The following THRB variants were observed in gnomAD, a reference collection of about 807,000 sequenced individuals.
The protein encoded by THRB is nuclear receptor subfamily 1 group A member 2.
In THRB, 12 loss-of-function variants were observed where a neutral mutation model predicts 47.8. The observed-to-expected ratio is 0.25, with a 90% CI of 0.16 to 0.41. THRB has a LOEUF of 0.41. THRB is among the 10% of genes least tolerant of loss of function. The pLI is 1.00. For synonymous variants in THRB, 218 were observed against 212.2 expected, an observed-to-expected ratio of 1.03 and a Z score of -0.24; for missense variants, 348 against 589.2, an observed-to-expected ratio of 0.59 and a Z score of 4.24.
intron 1 of THRB, among the ~76,000 whole-genome samples, chr3:24,349,502 A>C (rs1448539275): frequency 6.6e-6 from 1 of 152,170 alleles, no homozygotes; most frequent in Non-Finnish European, 1.5e-5. Flanking sequence ...CACAGGATAG[A>C]CAAATAGATC....
intron 3 of THRB, among the ~76,000 whole-genome samples, chr3:24,232,247 G>A (rs996789253): frequency 2.0e-5 from 3 of 152,184 alleles, no homozygotes; most frequent in Admixed American, 1.3e-4. Flanking sequence ...TTTGGTTATC[G>A]CGAGGCCTTG....
At chr3:24,247,684 G>A (rs2050238516) in intron 3 of THRB, among the ~76,000 whole-genome samples, 1 of 152,144 alleles carries the variant, frequency 6.6e-6, no homozygotes, top group South Asian at 2.1e-4. Flanking sequence ...CTGAGGCTCA[G>A]ATGTTAAATG....
chr3:24,482,469 C>A (rs1171399307), intron 1 of THRB, among the ~76,000 whole-genome samples: 2 of 152,084 alleles, frequency 1.3e-5, no homozygotes, highest in Non-Finnish European at 2.9e-5. Context: ...CCCTTCCCTT[C>A]AACACCACTT....
At chr3:24,387,427 T>G (rs1400484308) in intron 1 of THRB, among the ~76,000 whole-genome samples, 1 of 152,180 alleles carries the variant, frequency 6.6e-6, no homozygotes, top group East Asian at 1.9e-4. Flanking sequence ...GGTGAGCTGT[T>G]GTTCACAAAG....
intron 4 of THRB, among the ~76,000 whole-genome samples, chr3:24,199,621 T>C (rs914381218): frequency 6.6e-6 from 1 of 152,178 alleles, no homozygotes; most frequent in Non-Finnish European, 1.5e-5. Context: ...TGAAAAACAA[T>C]CATCATGACT....
At chr3:24,308,098 C>T (rs1559889127) in intron 2 of THRB, among the ~76,000 whole-genome samples, 1 of 152,090 alleles carries the variant, frequency 6.6e-6, no homozygotes, top group African/African-American at 2.4e-5. Flanking sequence ...AAAATAAGAA[C>T]CACCATGGCA....
chr3:24,248,587 C>CAG (rs1360058705), intron 3 of THRB, among the ~76,000 whole-genome samples: 1 of 152,128 alleles, frequency 6.6e-6, no homozygotes, highest in African/African-American at 2.4e-5. Context: ...AGTCCCTTGC[C>CAG]AGAGGGCTTT....
chr3:24,304,568 T>A (rs973717578), intron 2 of THRB, among the ~76,000 whole-genome samples: 3 of 152,174 alleles, frequency 2.0e-5, no homozygotes, highest in Non-Finnish European at 4.4e-5. Context: ...ATAGCTATAA[T>A]AGCTTCATTA....
intron 4 of THRB, among the ~76,000 whole-genome samples, chr3:24,216,337 C>T (rs537909219): frequency 6.6e-5 from 10 of 152,226 alleles, no homozygotes; most frequent in African/African-American, 1.7e-4. Context: ...GCTGGCTGGG[C>T]GCAGTGGCCA....
At chr3:24,327,459 G>A (rs1271031865) in intron 2 of THRB, among the ~76,000 whole-genome samples, 2 of 152,090 alleles carry the variant, frequency 1.3e-5, no homozygotes, top group African/African-American at 4.8e-5. Context: ...CATTTATATG[G>A]ATTAAAAGTT....
chr3:24,183,261 G>A (rs545413487), intron 5 of THRB, among the ~76,000 whole-genome samples: 70 of 151,880 alleles, frequency 4.6e-4, no homozygotes, highest in African/African-American at 1.6e-3. Context: ...TATATTCTAA[G>A]AACAGTTATC....
chr3:24,366,973 T>C (rs143844863), intron 1 of THRB, among the ~76,000 whole-genome samples: 1 of 152,020 alleles, frequency 6.6e-6, no homozygotes, highest in Non-Finnish European at 1.5e-5. Context: ...TGATTTCAAA[T>C]CAATTTTTTT....
At chr3:24,401,691 A>T (rs2067413793) in intron 1 of THRB, among the ~76,000 whole-genome samples, 1 of 152,028 alleles carries the variant, frequency 6.6e-6, no homozygotes, top group South Asian at 2.1e-4. Context: ...CTTGTGTCCC[A>T]GGCTGGCTCT....
At chr3:24,333,541 T>C (rs1157130774) in intron 2 of THRB, among the ~76,000 whole-genome samples, 3 of 152,254 alleles carry the variant, frequency 2.0e-5, no homozygotes, top group Non-Finnish European at 4.4e-5. Context: ...TGTAATTTCA[T>C]GTCTGCTCTC....
At chr3:24,253,028 GAATACAATAC>G (rs529274209) in intron 3 of THRB, among the ~76,000 whole-genome samples, 26 of 151,774 alleles carry the variant, frequency 1.7e-4, no homozygotes, top group African/African-American at 4.1e-4. Context: ...AAGAATAAAT[GAATACAATAC>G]AATACAATAC....
intron 1 of THRB, among the ~76,000 whole-genome samples, chr3:24,462,335 T>G (rs115838438): frequency 0.033 from 5,071 of 152,300 alleles, 112 homozygotes; most frequent in East Asian, 0.087. Context: ...GACTAAATGA[T>G]CTCTATGTAT....
chr3:24,294,906 T>A (rs965598163), intron 3 of THRB, among the ~76,000 whole-genome samples: 3 of 152,232 alleles, frequency 2.0e-5, no homozygotes, highest in African/African-American at 7.2e-5. Flanking sequence ...ACACTGGCTC[T>A]CAGCACAATC....
At position 24,379,224 on chromosome 3, in the gene THRB, AC is replaced by A. The variant is rs1192988404; in HGVS notation, c.-260-41854del. On this transcript the variant is annotated intron_variant, in intron 1 of 10. Transcript: ENST00000646209. ...TATAAGCACAAATTTGTATAACTGT[AC>A]CCTAAATGTTATAACTATATATAGT... 1.1e-4 allele frequency among the ~76,000 whole-genome samples: 16 copies of A among 152,222 alleles called. No homozygotes were observed. The South Asian group carries it at 3.3e-3, about 32-fold the overall frequency.
At chr3:24,440,177 T>C (rs954744831) in intron 1 of THRB, among the ~76,000 whole-genome samples, 2 of 152,246 alleles carry the variant, frequency 1.3e-5, no homozygotes, top group Admixed American at 6.5e-5. Flanking sequence ...GCTTTCATAC[T>C]TGTTCAATTA....
Sources: gnomAD v4.1 joint callset for allele counts (sites outside exome capture counted in the v4.1 genomes callset) on GRCh38, gnomAD v4.1.1 for gene constraint, MANE v1.5 for transcripts, NCBI Gene and HGNC (gene_info 2026-07-23, HGNC 2026-07-21) for gene names.